Variants in NSD2 observed in about 807,000 individuals in gnomAD.
The protein encoded by NSD2 is histone-lysine N-methyltransferase NSD2.
Under a neutral mutation model 139.0 loss-of-function variants are expected in NSD2, and 12 were observed. That is an observed-to-expected ratio of 0.09 (90% CI 0.06 to 0.14). The LOEUF is 0.14. Among genes scored for constraint, NSD2 ranks in the 10% least tolerant of loss-of-function variants. NSD2 has a pLI of 1.00. For missense variants in NSD2, 1,155 were observed against 1,745.0 expected, an observed-to-expected ratio of 0.66 and a Z score of 6.02; for synonymous variants, 669 against 648.7, an observed-to-expected ratio of 1.03 and a Z score of -0.48.
chr4:1,924,057 T>C lies in NSD2; in HGVS notation c.1410+5434T>C, dbSNP rs1180788059. ...CCATTAACACCTGGTGGAGTAGCTG[T>C]GGTCATTGTTGGATATAAAATGATA... On this transcript the variant is annotated intron_variant, in intron 5 of 21. Transcript: ENST00000508803. Among the ~76,000 whole-genome samples, 3 of 152,178 alleles carry C rather than the reference T, an allele frequency of 2.0e-5. No homozygotes were observed. The East Asian group carries it at 5.8e-4, about 29-fold the overall frequency.
Position 1,979,438 on chromosome 4 carries a change from A to G in NSD2, c.*529A>G, listed in dbSNP as rs866201241. On this transcript the variant is annotated 3_prime_UTR_variant, in exon 22 of 22. Coordinates refer to ENST00000508803, the MANE Select transcript of NSD2 (RefSeq NM_001042424.3). ...TCTGCTCTTTGGAAATGGCTGTATC[A>G]TTTTTTTGTACTAATGTGAATTGTT... 4 of 233,366 alleles carry G rather than the reference A, an allele frequency of 1.7e-5. No homozygotes were observed. Among genetic ancestry groups the G allele is most frequent in the African/African-American group, 4.4e-5 (2 of 45,310 alleles). The allele number at this position is 233,366 out of a possible 1,614,324, so 14.5% of individuals were successfully genotyped here. A position where few individuals can be genotyped will look rare whatever the true frequency, so the allele number is the denominator to read the frequency against.
chr4:1,919,907 G>T (rs1449267197), intron 5 of NSD2, among the ~76,000 whole-genome samples: 4 of 152,034 alleles, frequency 2.6e-5, no homozygotes, highest in African/African-American at 9.7e-5. Flanking sequence ...CTGCACTCCA[G>T]CCTGGCGACA....
chr4:1,933,838 C>T (rs1176671527), intron 6 of NSD2, among the ~76,000 whole-genome samples: 2 of 152,178 alleles, frequency 1.3e-5, no homozygotes, highest in African/African-American at 2.4e-5. Context: ...TGCACTTACA[C>T]CTTACCGTCT....
chr4:1,917,310 TAC>T (rs748599545), intron 4 of NSD2, among the ~76,000 whole-genome samples: 3 of 152,134 alleles, frequency 2.0e-5, no homozygotes, highest in South Asian at 2.1e-4. Flanking sequence ...TATATGTGTA[TAC>T]ACACACACAG....
intron 9 of NSD2, chr4:1,943,498 G>A: frequency 9.5e-7 from 1 of 1,047,168 alleles, no homozygotes; most frequent in Non-Finnish European, 1.2e-6. Flanking sequence ...TGGTCCTCTT[G>A]ACTGCATTAT....
chr4:1,937,770 T>C (rs1290108973), intron 7 of NSD2, among the ~76,000 whole-genome samples: 4 of 152,194 alleles, frequency 2.6e-5, no homozygotes, highest in African/African-American at 7.2e-5. Context: ...TGGCAAGTCA[T>C]TCCCTGGGCA....
intron 9 of NSD2, chr4:1,945,867 A>T: frequency 9.4e-7 from 1 of 1,061,156 alleles, no homozygotes; most frequent in Non-Finnish European, 1.1e-6. Flanking sequence ...GGTCGTTATG[A>T]CTTTGGCAAC....
chr4:1,925,079 A>G (rs951864900), intron 5 of NSD2, among the ~76,000 whole-genome samples: 3 of 152,220 alleles, frequency 2.0e-5, no homozygotes, highest in African/African-American at 2.4e-5. Flanking sequence ...CGGAAAAGCA[A>G]TGACTATTAG....
Position 1,974,296 on chromosome 4 carries a change from C to T in NSD2, c.3373-567C>T, listed in dbSNP as rs993549089. ...CGCGATCTCCACTCTCTGTAACCTCCGCCTCCCGGGTTCAAGTGATTCTCC... is the reference window on the plus strand; with the variant it reads ...CGCGATCTCCACTCTCTGTAACCTCTGCCTCCCGGGTTCAAGTGATTCTCC... On this transcript the variant is annotated intron_variant, in intron 18 of 21. Coordinates refer to ENST00000508803, the MANE Select transcript of NSD2 (RefSeq NM_001042424.3). This position sits in a 1 kb window ranked among gnomAD's most constrained non-coding sequence, Gnocchi z 4.0. Among the ~76,000 whole-genome samples the T allele has an allele frequency of 4.6e-5, 7 of 151,924 alleles. No individual in the cohort carries two copies. The highest frequency in any genetic ancestry group is 8.8e-5 in the Non-Finnish European group (6 of 67,964).
In NSD2 at chr4:1,955,869, A is replaced by G. The variant is rs373665168; in HGVS notation, c.2675+20A>G. 4.1e-5 allele frequency: 66 copies of G among 1,612,108 alleles called. 1 individual carries two copies. In the Middle Eastern group the frequency reaches 2.5e-3, roughly 61 times the overall value. ...CTACAGGTGTGAGACATAGAATCGTATGCTTTTATGTCTTTTCTGTTCACA... is the reference window on the plus strand; with the variant it reads ...CTACAGGTGTGAGACATAGAATCGTGTGCTTTTATGTCTTTTCTGTTCACA... On this transcript the variant is annotated intron_variant, in intron 14 of 21. Coordinates refer to ENST00000508803, the MANE Select transcript of NSD2 (RefSeq NM_001042424.3). The surrounding 1 kb of genome is among the most constrained non-coding windows in gnomAD (Gnocchi z 4.7).
In NSD2 at chr4:1,951,590, A is replaced by G. The variant is rs534318030; in HGVS notation, c.2013+387A>G. On this transcript the variant is annotated intron_variant, in intron 10 of 21. Transcript: ENST00000508803. ...GCTTCACTGATGACATGCACACTGG[A>G]CAGGCCAGGCTGTGGGCTGAGGGGG... Among the ~76,000 whole-genome samples, 6 of 152,184 alleles carry G rather than the reference A, an allele frequency of 3.9e-5. No individual in the cohort carries two copies. The East Asian group carries it at 1.2e-3, about 29-fold the overall frequency.
At chr4:1,883,649 A>T (rs2108681789) in intron 1 of NSD2, among the ~76,000 whole-genome samples, 1 of 150,786 alleles carries the variant, frequency 6.6e-6, no homozygotes, top group South Asian at 2.1e-4. Context: ...AAAAAAAAAA[A>T]GCGTACCTCC....
intron 1 of NSD2, chr4:1,892,725 C>A (rs963398680): frequency 6.6e-6 from 1 of 152,028 alleles, no homozygotes; most frequent in Non-Finnish European, 1.5e-5. Flanking sequence ...TGCACCACCA[C>A]GCCTGGCTAA....
intron 1 of NSD2, chr4:1,887,388 G>A (rs1372567069): frequency 6.6e-6 from 1 of 152,100 alleles, no homozygotes; most frequent in African/African-American, 2.4e-5. Flanking sequence ...TGTTTTGTTG[G>A]TAAAAACAGC....
chr4:1,881,556 C>T (rs1403573774), intron 1 of NSD2, among the ~76,000 whole-genome samples: 1 of 152,308 alleles, frequency 6.6e-6, no homozygotes, highest in African/African-American at 2.4e-5. Flanking sequence ...AGCCACCGTG[C>T]CTGGCTTGTT....
chr4:1,941,467 CA>C, intron 9 of NSD2: 1 of 1,047,312 alleles, frequency 9.5e-7, no homozygotes, highest in Non-Finnish European at 1.2e-6. Flanking sequence ...GCCCATGAGT[CA>C]GGGGAGCTCA....
chr4:1,909,945 A>G (rs982046499), intron 3 of NSD2, among the ~76,000 whole-genome samples: 1 of 129,326 alleles, frequency 7.7e-6, no homozygotes, highest in Non-Finnish European at 1.7e-5. Context: ...GGCACCCGTT[A>G]AAAAAAAAAA....
chr4:1,941,941 C>T lies in NSD2; in HGVS notation c.1881+2163C>T, dbSNP rs149110753. 1.3e-4 allele frequency: 139 copies of T among 1,075,748 alleles called. 1 individual carries two copies. In the East Asian group the frequency reaches 2.4e-3, roughly 19 times the overall value. 66.6% of individuals were successfully genotyped at this position (1,075,748 alleles called of 1,614,324 possible). A position where few individuals can be genotyped will look rare whatever the true frequency, so the allele number is the denominator to read the frequency against. On this transcript the variant is annotated intron_variant, in intron 9 of 21. Transcript: ENST00000508803. Reference sequence around the variant, plus strand: ...AAAACAGCCTGTTGACTGCTGGGCCCGATTCTGATATGAGTTAGGTGACCA... The same window carrying T: ...AAAACAGCCTGTTGACTGCTGGGCCTGATTCTGATATGAGTTAGGTGACCA...
Position 1,979,013 on chromosome 4 carries a change from G to A in NSD2, c.*104G>A, listed in dbSNP as rs2109035839. The A allele has an allele frequency of 5.0e-6, 7 of 1,391,852 alleles. No homozygotes were observed. The highest frequency in any genetic ancestry group is 2.6e-5 in the East Asian group (1 of 39,146). 86.2% of individuals were successfully genotyped at this position (1,391,852 alleles called of 1,614,324 possible). On this transcript the variant is annotated 3_prime_UTR_variant, in exon 22 of 22. Coordinates refer to ENST00000508803, the MANE Select transcript of NSD2 (RefSeq NM_001042424.3). ...TGGCCCGGAGGACCCAGCTCGAGCC[G>A]CCAGGACACAGACGTACAGGCCTCC...
Sources: allele counts gnomAD v4.1 joint callset (sites outside exome capture counted in the v4.1 genomes callset), GRCh38; gene constraint gnomAD v4.1.1; non-coding constraint Gnocchi (gnomAD v3.1); transcripts MANE v1.5; gene names NCBI Gene and HGNC (gene_info 2026-07-23, HGNC 2026-07-21).